Variants in UBE2J1 observed in about 807,000 individuals in gnomAD.
The protein encoded by UBE2J1 is ubiquitin conjugating enzyme E2 J1.
A neutral mutation model predicts 42.1 loss-of-function variants in UBE2J1; 17 were observed. The ratio of observed to expected loss-of-function variants is 0.40; its 90% CI spans 0.28 to 0.61. The LOEUF (loss-of-function observed/expected upper bound fraction) is 0.61, where lower values mean the gene tolerates loss of function less well. Among genes scored for constraint, UBE2J1 ranks in the 20% least tolerant of loss-of-function variants. UBE2J1 has a pLI of 0.38. For missense variants in UBE2J1, 291 were observed against 389.4 expected (o/e 0.75, Z 2.13); for synonymous variants, 127 against 137.2 (o/e 0.93, Z 0.52).
intron 3 of UBE2J1, among the ~76,000 whole-genome samples, chr6:89,339,102 T>G (rs764773528): frequency 6.6e-6 from 1 of 152,004 alleles, no homozygotes; most frequent in Non-Finnish European, 1.5e-5. Flanking sequence ...GAAACTGAGT[T>G]GCACAAGTGA....
Position 89,327,956 on chromosome 6 carries a change from TAG to T in UBE2J1, c.*1721_*1722del, listed in dbSNP as rs1021907221. On this transcript the variant is annotated 3_prime_UTR_variant, in exon 8 of 8. Transcript: ENST00000435041. Reference sequence around the variant, plus strand: ...TTTAGAGTGTATTTTCTTATGGCAATAGAGTTATAAAATGGTAACCTATGATT... The same window carrying T: ...TTTAGAGTGTATTTTCTTATGGCAATAGTTATAAAATGGTAACCTATGATT... 1.3e-5 allele frequency: 2 copies of T among 152,216 alleles called. No homozygotes were observed. The highest frequency in any genetic ancestry group is 4.8e-5 in the African/African-American group (2 of 41,454). 9.4% of individuals were successfully genotyped at this position (152,216 alleles called of 1,614,324 possible).
At chr6:89,340,951 A>G (rs1768236448) in intron 3 of UBE2J1, among the ~76,000 whole-genome samples, 1 of 149,970 alleles carries the variant, frequency 6.7e-6, no homozygotes, top group Non-Finnish European at 1.5e-5. Context: ...AATTTTTTGT[A>G]TTTTTAGTAG....
At chr6:89,331,549 A>G (rs1351789647) in intron 7 of UBE2J1, among the ~76,000 whole-genome samples, 3 of 152,228 alleles carry the variant, frequency 2.0e-5, no homozygotes, top group Non-Finnish European at 4.4e-5. Context: ...TTGGCAATCT[A>G]CTATATAGAA....
chr6:89,330,107 G>C (rs1385849527), intron 7 of UBE2J1, 150 bp from the exon 8 acceptor site: 1 of 808,678 alleles, frequency 1.2e-6, no homozygotes, highest in East Asian at 2.7e-5. Context: ...TACATCCCTT[G>C]AGGGGCATCT....
At chr6:89,338,093 A>G in intron 5 of UBE2J1, 112 bp downstream of exon 5, 2 of 676,890 alleles carry the variant, frequency 3.0e-6, no homozygotes, top group Middle Eastern at 2.5e-4. Context: ...AAGATCCTGT[A>G]GCTACAGTCA....
At chr6:89,333,475 G>C (rs1768047769) in intron 6 of UBE2J1, among the ~76,000 whole-genome samples, 1 of 152,140 alleles carries the variant, frequency 6.6e-6, no homozygotes, top group Non-Finnish European at 1.5e-5. Context: ...ATGCTAAAAA[G>C]CTCTCAAAAC....
intron 3 of UBE2J1, among the ~76,000 whole-genome samples, chr6:89,341,544 G>A (rs1378856617): frequency 6.6e-6 from 1 of 152,130 alleles, no homozygotes; most frequent in Non-Finnish European, 1.5e-5. Flanking sequence ...CAAGACCAAT[G>A]AGACCATGTC....
intron 1 of UBE2J1, 32 bp from the exon 2 acceptor site, chr6:89,343,788 A>G (rs1224218676): frequency 6.6e-7 from 1 of 1,518,174 alleles, no homozygotes; most frequent in Admixed American, 1.8e-5. Flanking sequence ...AGAGATATTT[A>G]AAATATACTT....
chr6:89,351,120 C>T (rs1768469360), intron 1 of UBE2J1, among the ~76,000 whole-genome samples: 1 of 118,628 alleles, frequency 8.4e-6, no homozygotes, highest in African/African-American at 3.3e-5. Context: ...CTCGCTCTGT[C>T]GCCCACACTG....
intron 3 of UBE2J1, 118 bp from the exon 4 acceptor site, chr6:89,338,661 T>TTG (rs1768161408): frequency 8.7e-6 from 2 of 231,048 alleles, no homozygotes; most frequent in East Asian, 2.2e-4. Flanking sequence ...AAGTTTGTTT[T>TTG]TTTTTTTTTT....
At chr6:89,331,473 A>G (rs951756247) in intron 7 of UBE2J1, among the ~76,000 whole-genome samples, 1 of 152,188 alleles carries the variant, frequency 6.6e-6, no homozygotes, top group African/African-American at 2.4e-5. Flanking sequence ...GATTTATTTA[A>G]TTGTATTCTT....
intron 1 of UBE2J1, among the ~76,000 whole-genome samples, chr6:89,351,235 C>T (rs987738070): frequency 2.6e-5 from 4 of 151,806 alleles, no homozygotes; most frequent in Non-Finnish European, 5.9e-5. Flanking sequence ...TGCGCCACCA[C>T]CATGCCCGGC....
Position 89,352,717 on chromosome 6 carries a change from C to T in UBE2J1, c.-148G>A. 1.1e-6 allele frequency: 1 copy of T among 878,594 alleles called. No individual in the cohort carries two copies. Among genetic ancestry groups the T allele is most frequent in the Non-Finnish European group, 1.6e-6 (1 of 633,556 alleles). 54.4% of individuals were successfully genotyped at this position (878,594 alleles called of 1,614,324 possible). ...CGCCCAGTCCAGCCTGGACTGCGGG[C>T]GGGGTGGCAAGGCTGAGTGCGGGCG... On this transcript the variant is annotated 5_prime_UTR_variant, in exon 1 of 8. Transcript: ENST00000435041.
At chr6:89,338,960 C>A (rs919162516) in intron 3 of UBE2J1, among the ~76,000 whole-genome samples, 2 of 151,184 alleles carry the variant, frequency 1.3e-5, no homozygotes, top group Non-Finnish European at 3.0e-5. Context: ...CCACCGCGCC[C>A]GGCCAAAAAG....
intron 1 of UBE2J1, among the ~76,000 whole-genome samples, chr6:89,350,141 A>C (rs1316004636): frequency 6.6e-6 from 1 of 152,162 alleles, no homozygotes; most frequent in Non-Finnish European, 1.5e-5. Context: ...TCCAAAAAAA[A>C]ACCATAAAGC....
At chr6:89,338,583 T>C (rs772818214) in intron 3 of UBE2J1, 40 bp from the exon 4 acceptor site, 1 of 1,154,882 alleles carries the variant, frequency 8.7e-7, no homozygotes, top group Non-Finnish European at 1.2e-6. Context: ...TAAATACATG[T>C]GCTTAATGTT....
intron 3 of UBE2J1, among the ~76,000 whole-genome samples, chr6:89,340,750 T>G (rs1582484864): frequency 2.2e-5 from 2 of 91,698 alleles, no homozygotes; most frequent in African/African-American, 3.2e-5. Context: ...TGGTATTTAT[T>G]TATTTATTTA....
chr6:89,343,695 C>A lies in UBE2J1; in HGVS notation c.93G>T (p.Ala31=). The change falls in exon 2 of 8, where the codon GCG becomes GCT. Residue 31 remains alanine, a synonymous_variant. Transcript: ENST00000435041. ...ELKDPTDHYH[A]QPLEDNLFEW... is the part of the protein sequence containing the mutation. ...GATAGAAACTAACCTCTAAAGGCTG[C>A]GCATGGTAATGATCTGTTGGATCTT... 2.5e-6 allele frequency: 4 copies of A among 1,605,886 alleles called. No homozygotes were observed. The highest frequency in any genetic ancestry group is 2.3e-5 in the South Asian group (2 of 88,796).
At chr6:89,333,050 G>A in intron 7 of UBE2J1, 36 bp downstream of exon 7, 1 of 1,520,942 alleles carries the variant, frequency 6.6e-7, no homozygotes, top group Non-Finnish European at 8.8e-7. Flanking sequence ...GATAATGATA[G>A]AGACATACAT....
Sources: gnomAD v4.1 joint callset for allele counts (sites outside exome capture counted in the v4.1 genomes callset) on GRCh38, gnomAD v4.1.1 for gene constraint, MANE v1.5 for transcripts, NCBI Gene and HGNC (gene_info 2026-07-23, HGNC 2026-07-21) for gene names.